Variants in KLRD1 observed in about 807,000 individuals in gnomAD.
KLRD1 encodes the protein natural killer cells antigen CD94.
Under a neutral mutation model 22.6 loss-of-function variants are expected in KLRD1, and 21 were observed. The observed-to-expected ratio is 0.93, with a 90% CI of 0.66 to 1.34. The LOEUF is 1.34. Among genes scored for constraint, KLRD1 ranks in the 40% most tolerant of loss-of-function variants. The pLI, the probability that KLRD1 is intolerant of heterozygous loss-of-function variation, is 0.00. For synonymous variants in KLRD1, 59 were observed against 71.1 expected, an observed-to-expected ratio of 0.83 and a Z score of 0.85; for missense variants, 183 against 208.6, an observed-to-expected ratio of 0.88 and a Z score of 0.76.
intron 1 of KLRD1, among the ~76,000 whole-genome samples, chr12:10,253,485 G>A (rs1949363773): frequency 6.6e-6 from 1 of 152,000 alleles, no homozygotes; most frequent in Non-Finnish European, 1.5e-5. Flanking sequence ...ATGTGTCATG[G>A]GGGTTTGTTG....
chr12:10,319,049 T>C lies in KLRD1; in HGVS notation c.*4256T>C, dbSNP rs1163815203. ...TTTCAACTTTGTGGACCAGTCTCTG[T>C]TGAAACTTCTCAACCTTGCCATGGT... On this transcript the variant is annotated 3_prime_UTR_variant, in exon 6 of 6. Coordinates refer to ENST00000336164, the MANE Select transcript of KLRD1 (RefSeq NM_002262.5). The C allele has an allele frequency of 2.0e-5, 3 of 152,134 alleles. No homozygotes were observed. The highest frequency in any genetic ancestry group is 7.2e-5 in the African/African-American group (3 of 41,426). The allele number at this position is 152,134 out of a possible 1,614,324, so 9.4% of individuals were successfully genotyped here. A position where few individuals can be genotyped will look rare whatever the true frequency, so the allele number is the denominator to read the frequency against.
Position 10,329,017 on chromosome 12 carries a change from C to T in KLRD1, c.*14224C>T, listed in dbSNP as rs1950386868. The stretch of plus-strand genomic sequence containing the variant: ...GATTCAATTATCTCCCACTGGGTCC[C>T]TCCACCAACATGGGGGAATTATGGG... On this transcript the variant is annotated 3_prime_UTR_variant, in exon 6 of 6. Transcript: ENST00000336164. 1 of 152,196 alleles carries T rather than the reference C, an allele frequency of 6.6e-6. No homozygotes were observed. Among genetic ancestry groups the T allele is most frequent in the Non-Finnish European group, 1.5e-5 (1 of 68,050 alleles). 9.4% of individuals were successfully genotyped at this position (152,196 alleles called of 1,614,324 possible). A position where few individuals can be genotyped will look rare whatever the true frequency, so the allele number is the denominator to read the frequency against.
chr12:10,318,862 A>G lies in KLRD1; in HGVS notation c.*4069A>G, dbSNP rs894292283. 2.0e-5 allele frequency: 3 copies of G among 152,126 alleles called. No homozygotes were observed. The highest frequency in any genetic ancestry group is 4.4e-5 in the Non-Finnish European group (3 of 68,184). 9.4% of individuals were successfully genotyped at this position (152,126 alleles called of 1,614,324 possible). A position where few individuals can be genotyped will look rare whatever the true frequency, so the allele number is the denominator to read the frequency against. On this transcript the variant is annotated 3_prime_UTR_variant, in exon 6 of 6. Transcript: ENST00000336164. Reference sequence around the variant, plus strand: ...TCCGTCTCCAAAAAAAAAAAAAAAAAAAAAGCTTTTCATAAGTATGCTCAT... The same window carrying G: ...TCCGTCTCCAAAAAAAAAAAAAAAAGAAAAGCTTTTCATAAGTATGCTCAT...
At chr12:10,296,437 A>G (rs1417005799) in intron 1 of KLRD1, among the ~76,000 whole-genome samples, 2 of 152,098 alleles carry the variant, frequency 1.3e-5, no homozygotes, top group African/African-American at 4.8e-5. Flanking sequence ...AATCGAGTGA[A>G]CCCGGGAGGT....
intron 1 of KLRD1, among the ~76,000 whole-genome samples, chr12:10,246,348 A>G (rs1949290761): frequency 6.7e-6 from 1 of 149,184 alleles, no homozygotes; most frequent in Admixed American, 6.6e-5. Context: ...AATATATACT[A>G]CATTTTTAAG....
chr12:10,311,370 G>C, intron 3 of KLRD1, 94 bp from the exon 4 acceptor site: 1 of 1,226,958 alleles, frequency 8.2e-7, no homozygotes. Context: ...AATGTTAAAA[G>C]AATACACAGC....
At chr12:10,309,869 TG>T (rs1405582551) in intron 3 of KLRD1, among the ~76,000 whole-genome samples, 181 bp downstream of exon 3, 2 of 152,238 alleles carry the variant, frequency 1.3e-5, no homozygotes, top group African/African-American at 4.8e-5. Context: ...TTACACTGAA[TG>T]TGTATCATTT....
At chr12:10,294,858 A>G (rs1949808153) in intron 1 of KLRD1, among the ~76,000 whole-genome samples, 1 of 152,222 alleles carries the variant, frequency 6.6e-6, no homozygotes, top group Admixed American at 6.5e-5. Context: ...GCTTGACACA[A>G]AACAATTTAT....
chr12:10,287,224 A>G (rs1254450914), intron 1 of KLRD1, among the ~76,000 whole-genome samples: 1 of 152,136 alleles, frequency 6.6e-6, no homozygotes, highest in Non-Finnish European at 1.5e-5. Context: ...TGTACCTAAA[A>G]GCAAAGATGG....
chr12:10,306,723 G>A (rs925270191), upstream of KLRD1, among the ~76,000 whole-genome samples: 2 of 152,094 alleles, frequency 1.3e-5, no homozygotes, highest in African/African-American at 2.4e-5. Flanking sequence ...TAGATTTTAC[G>A]CTTATATTCT....
chr12:10,239,517 C>CCCTT (rs1949218425), intron 1 of KLRD1, among the ~76,000 whole-genome samples: 1 of 45,814 alleles, frequency 2.2e-5, no homozygotes, highest in Non-Finnish European at 4.6e-5. Context: ...TCCTTCCCTC[C>CCCTT]CCTTTCTTTC....
chr12:10,276,572 A>G (rs1949593947), intron 1 of KLRD1, among the ~76,000 whole-genome samples: 1 of 151,984 alleles, frequency 6.6e-6, no homozygotes, highest in Admixed American at 6.6e-5. Flanking sequence ...CTTGTTGCCC[A>G]GGCTGGAGTG....
At chr12:10,257,584 A>G (rs1466505883) in intron 1 of KLRD1, among the ~76,000 whole-genome samples, 2 of 122,352 alleles carry the variant, frequency 1.6e-5, no homozygotes, top group African/African-American at 3.2e-5. Flanking sequence ...AATATTTTCT[A>G]TTTGTTGATA....
intron 1 of KLRD1, among the ~76,000 whole-genome samples, chr12:10,256,232 T>C (rs1949393990): frequency 6.6e-6 from 1 of 151,988 alleles, no homozygotes. Flanking sequence ...ATAGACACCT[T>C]CTTATTAGAT....
intron 1 of KLRD1, among the ~76,000 whole-genome samples, chr12:10,293,610 G>T (rs1054791737): frequency 6.6e-6 from 1 of 151,938 alleles, no homozygotes; most frequent in African/African-American, 2.4e-5. Flanking sequence ...CACCATAAAA[G>T]ATATTGCAAT....
chr12:10,308,169 G>C (rs1046325321), intron 1 of KLRD1, 85 bp downstream of exon 1: 3 of 1,155,020 alleles, frequency 2.6e-6, no homozygotes, highest in Middle Eastern at 1.9e-4. Flanking sequence ...TGCTTTAAGA[G>C]AAAAGGACAT....
At chr12:10,255,272 A>G (rs1329221623) in intron 1 of KLRD1, among the ~76,000 whole-genome samples, 3 of 152,172 alleles carry the variant, frequency 2.0e-5, no homozygotes, top group African/African-American at 4.8e-5. Flanking sequence ...CTAAAGGTTT[A>G]CTAATATTGT....
At chr12:10,290,957 A>G (rs938606625) in intron 1 of KLRD1, among the ~76,000 whole-genome samples, 1 of 152,222 alleles carries the variant, frequency 6.6e-6, no homozygotes, top group Non-Finnish European at 1.5e-5. Flanking sequence ...CTAGTTATGT[A>G]AAATATAGGC....
intron 1 of KLRD1, among the ~76,000 whole-genome samples, chr12:10,265,976 G>C (rs928793897): frequency 6.6e-6 from 1 of 152,098 alleles, no homozygotes; most frequent in African/African-American, 2.4e-5. Flanking sequence ...TGGTCCCTCT[G>C]ACACTATTTA....
Sources: gnomAD v4.1 joint callset for allele counts (sites outside exome capture counted in the v4.1 genomes callset) on GRCh38, gnomAD v4.1.1 for gene constraint, MANE v1.5 for transcripts, NCBI Gene and HGNC (gene_info 2026-07-23, HGNC 2026-07-21) for gene names.